Variants in FARP2 observed in about 807,000 individuals in gnomAD.
FARP2 encodes the protein FERM, ARH/RhoGEF and pleckstrin domain protein 2.
FARP2 carries 111 observed loss-of-function variants against 130.5 expected under a neutral mutation model. The observed-to-expected ratio is 0.85, with a 90% CI of 0.73 to 1.00. The LOEUF is 1.00. Among genes scored for constraint, FARP2 ranks in the 50% least tolerant of loss-of-function variants. The pLI is 0.00. For missense variants in FARP2, 1,385 were observed against 1,346.3 expected, an observed-to-expected ratio of 1.03 and a Z score of -0.45; for synonymous variants, 504 against 516.9, an observed-to-expected ratio of 0.98 and a Z score of 0.34.
At chr2:241,484,441 C>T (rs957112042) in intron 21 of FARP2, 110 bp downstream of exon 21, 6 of 849,396 alleles carry the variant, frequency 7.1e-6, no homozygotes, top group Middle Eastern at 3.3e-4. Context: ...AGAGCAGCAC[C>T]TGCTGAGTAT....
chr2:241,436,876 C>G (rs948864779), intron 12 of FARP2, among the ~76,000 whole-genome samples: 1 of 152,162 alleles, frequency 6.6e-6, no homozygotes, highest in African/African-American at 2.4e-5. Flanking sequence ...GTCTCAGCTA[C>G]TCAGGGAGCT....
intron 8 of FARP2, among the ~76,000 whole-genome samples, chr2:241,419,614 A>G (rs2062757040): frequency 6.6e-6 from 1 of 152,204 alleles, no homozygotes; most frequent in South Asian, 2.1e-4. Context: ...GGAAGCTGGG[A>G]AATGAAACAG....
At chr2:241,453,517 G>T (rs2150445524) in intron 13 of FARP2, among the ~76,000 whole-genome samples, 3 of 151,818 alleles carry the variant, frequency 2.0e-5, no homozygotes, top group African/African-American at 7.2e-5. Flanking sequence ...AGCTACTCGG[G>T]AGGCTGAGGC....
At chr2:241,398,149 C>G (rs1419095590) in intron 2 of FARP2, among the ~76,000 whole-genome samples, 1 of 152,060 alleles carries the variant, frequency 6.6e-6, no homozygotes, top group African/African-American at 2.4e-5. Context: ...CTTTTAATTA[C>G]ATTCTTATTG....
Position 241,494,321 on chromosome 2 carries a change from G to T in FARP2, c.*196G>T. 1 of 395,502 alleles carries T rather than the reference G, an allele frequency of 2.5e-6. No homozygotes were observed. The highest frequency in any genetic ancestry group is 4.6e-6 in the Non-Finnish European group (1 of 216,870). The allele number at this position is 395,502 out of a possible 1,614,324, so 24.5% of individuals were successfully genotyped here. A position where few individuals can be genotyped will look rare whatever the true frequency, so the allele number is the denominator to read the frequency against. On this transcript the variant is annotated 3_prime_UTR_variant, in exon 27 of 27. Transcript: ENST00000264042. This position sits in a 1 kb window ranked among gnomAD's most constrained non-coding sequence, Gnocchi z 4.9. Reference sequence around the variant, plus strand: ...CCCACCCAGGACCTAGTGCATGCCAGCAGCTATCTGGGGCCCTGGGAAAAA... The same window carrying T: ...CCCACCCAGGACCTAGTGCATGCCATCAGCTATCTGGGGCCCTGGGAAAAA...
chr2:241,374,274 G>T (rs1247182694), intron 2 of FARP2, among the ~76,000 whole-genome samples: 1 of 152,106 alleles, frequency 6.6e-6, no homozygotes, highest in Admixed American at 6.5e-5. Context: ...AGCCTCCCAA[G>T]TGCTAGGATT....
intron 1 of FARP2, among the ~76,000 whole-genome samples, chr2:241,356,630 G>A (rs1447639941): frequency 1.3e-5 from 2 of 152,230 alleles, no homozygotes; most frequent in Non-Finnish European, 2.9e-5. Flanking sequence ...CGGGGCGGTG[G>A]GCCGGGGAGT....
intron 1 of FARP2, among the ~76,000 whole-genome samples, chr2:241,370,122 A>G (rs1399424601): frequency 6.6e-6 from 1 of 152,198 alleles, no homozygotes; most frequent in Non-Finnish European, 1.5e-5. Flanking sequence ...TGGTAGCACA[A>G]TAGGGCAACT....
intron 2 of FARP2, among the ~76,000 whole-genome samples, chr2:241,401,198 A>C (rs963640433): frequency 6.6e-6 from 1 of 152,228 alleles, no homozygotes; most frequent in African/African-American, 2.4e-5. Context: ...ACACAGTGAG[A>C]ATCTGGTGAC....
intron 4 of FARP2, 79 bp from the exon 5 acceptor site, chr2:241,407,458 C>T: frequency 9.7e-7 from 1 of 1,033,744 alleles, no homozygotes; most frequent in African/African-American, 1.6e-5. Flanking sequence ...AGCATGACCT[C>T]AGTTATACAG....
intron 4 of FARP2, among the ~76,000 whole-genome samples, chr2:241,405,662 T>TG (rs11371277): frequency 1 from 152,294 of 152,322 alleles, 76,133 homozygotes; most frequent in Middle Eastern, 1. Flanking sequence ...TGGCCCGGTG[T>TG]GGGGCTCATG....
In FARP2 at chr2:241,356,312, G is replaced by C. The variant is rs1432992672; in HGVS notation, c.-101G>C. 1 of 152,422 alleles carries C rather than the reference G, an allele frequency of 6.6e-6. No individual in the cohort carries two copies. The highest frequency in any genetic ancestry group is 1.5e-5 in the Non-Finnish European group (1 of 68,034). The allele number at this position is 152,422 out of a possible 1,614,324, so 9.4% of individuals were successfully genotyped here. On this transcript the variant is annotated 5_prime_UTR_variant, in exon 1 of 27. Coordinates refer to ENST00000264042, the MANE Select transcript of FARP2 (RefSeq NM_014808.4). Reference sequence around the variant, plus strand: ...TTGGGAGCAGGCGACGCCGACGCGAGTCTGGCGGCTGCTGCTTGCGACTGC... The same window carrying C: ...TTGGGAGCAGGCGACGCCGACGCGACTCTGGCGGCTGCTGCTTGCGACTGC...
intron 18 of FARP2, among the ~76,000 whole-genome samples, chr2:241,474,317 C>CAAAAAAAAAA (rs56128645): frequency 2.1e-5 from 1 of 46,652 alleles, no homozygotes; most frequent in Non-Finnish European, 3.6e-5. Context: ...GATTCCGTCT[C>CAAAAAAAAAA]AAAAAAAAAA....
Position 241,463,452 on chromosome 2 carries a change from C to T in FARP2, c.1795C>T (p.Gln599Ter). 4 of 1,613,800 alleles carry T rather than the reference C, an allele frequency of 2.5e-6. No individual in the cohort carries two copies. The highest frequency in any genetic ancestry group is 3.4e-6 in the Non-Finnish European group (4 of 1,179,996). The change falls in exon 16 of 27, where the codon CAG becomes TAG. Residue 599 changes from glutamine (Q) to a stop codon, truncating the protein, a stop_gained. Transcript: ENST00000264042. LOFTEE classifies it high-confidence loss of function. ...CAGAGGCTTCCTGCGCGAGGTGGAG[C>T]AGAGGCTGGCACTCTGGTAACACCC... is the stretch of plus-strand genomic sequence containing the variant. ...FHRGFLREVE[Q>*]RLALWEGPSK...
At position 241,407,569 on chromosome 2, in the gene FARP2, A is replaced by G. The variant is rs1328043061; in HGVS notation, c.364A>G (p.Lys122Glu). 6.2e-7 allele frequency: 1 copy of G among 1,614,130 alleles called. No individual in the cohort carries two copies. Among genetic ancestry groups the G allele is most frequent in the Admixed American group, 1.7e-5 (1 of 60,024 alleles). Residue 122 changes from lysine (K) to glutamate (E), a missense_variant, in exon 5 of 27, where the codon AAA (lysine) becomes GAA (glutamate). Coordinates refer to ENST00000264042, the MANE Select transcript of FARP2 (RefSeq NM_014808.4). ...PKNVVLRLAV[K>E]FFPPDPGQLQ... is the part of the protein sequence containing the mutation. ...GAATGTGGTGCTTCGCCTAGCTGTA[A>G]AATTTTTTCCACCTGATCCTGGTCA... is the stretch of plus-strand genomic sequence containing the variant.
intron 2 of FARP2, among the ~76,000 whole-genome samples, chr2:241,402,874 ATATATATTTTT>A (rs2062225163): frequency 7.3e-4 from 8 of 10,972 alleles, no homozygotes; most frequent in East Asian, 5.3e-3. Context: ...ATATATATAT[ATATATATTTTT>A]TTTTTTTTTT....
intron 7 of FARP2, among the ~76,000 whole-genome samples, chr2:241,414,024 G>T (rs2062599578): frequency 6.6e-6 from 1 of 152,068 alleles, no homozygotes; most frequent in South Asian, 2.1e-4. Flanking sequence ...GGCTATTGGG[G>T]GGGTGTCAGC....
At chr2:241,383,673 G>A (rs1304997126) in intron 2 of FARP2, among the ~76,000 whole-genome samples, 1 of 152,164 alleles carries the variant, frequency 6.6e-6, no homozygotes, top group African/African-American at 2.4e-5. Flanking sequence ...GAGCAAGGGA[G>A]GTAGTGAGAA....
At chr2:241,476,731 A>G (rs943784759) in intron 19 of FARP2, among the ~76,000 whole-genome samples, 5 of 152,146 alleles carry the variant, frequency 3.3e-5, no homozygotes, top group African/African-American at 1.2e-4. Context: ...GTACATATAT[A>G]CATACATACA....
Sources: allele counts gnomAD v4.1 joint callset (sites outside exome capture counted in the v4.1 genomes callset), GRCh38; gene constraint gnomAD v4.1.1; non-coding constraint Gnocchi (gnomAD v3.1); transcripts MANE v1.5; gene names NCBI Gene and HGNC (gene_info 2026-07-23, HGNC 2026-07-21).